The following FADS3 variants were observed in gnomAD, a reference collection of about 807,000 sequenced individuals.
The protein encoded by FADS3 is cytochrome b5-related protein.
Under a neutral mutation model 60.4 loss-of-function variants are expected in FADS3, and 30 were observed. The ratio of observed to expected loss-of-function variants is 0.50; its 90% CI spans 0.37 to 0.67. The LOEUF is 0.67. Among genes scored for constraint, FADS3 ranks in the 30% least tolerant of loss-of-function variants. The pLI, the probability that FADS3 is intolerant of heterozygous loss-of-function variation, is 0.00. For synonymous variants in FADS3, 234 were observed against 249.3 expected, an observed-to-expected ratio of 0.94 and a Z score of 0.58; for missense variants, 432 against 598.3, an observed-to-expected ratio of 0.72 and a Z score of 2.90.
intron 5 of FADS3, 111 bp from the exon 6 acceptor site, chr11:61,878,326 A>G: frequency 7.2e-7 from 1 of 1,381,304 alleles, no homozygotes; most frequent in Admixed American, 1.8e-5. Flanking sequence ...TCTAGATTCT[A>G]GCAAGCGGGC....
Position 61,878,847 on chromosome 11 carries a change from C to G in FADS3, c.523G>C (p.Ala175Pro). The change falls in exon 4 of 12, where the codon GCT becomes CCT. Residue 175 changes from alanine (A) to proline (P), a missense_variant and splice_region_variant. Coordinates refer to ENST00000278829, the MANE Select transcript of FADS3 (RefSeq NM_021727.5). ...LAAFILAISQ[A>P]QSWCLQHDLG... is the part of the protein sequence containing the mutation. Reference sequence around the variant, plus strand: ...TCATGCTGCAGACACCAGGACTGAGCCTGGGGAGAGAGGCAGGGTCAGAAG... The same window carrying G: ...TCATGCTGCAGACACCAGGACTGAGGCTGGGGAGAGAGGCAGGGTCAGAAG... 2 of 1,613,644 alleles carry G rather than the reference C, an allele frequency of 1.2e-6. No individual in the cohort carries two copies. The highest frequency in any genetic ancestry group is 1.7e-6 in the Non-Finnish European group (2 of 1,179,684).
At chr11:61,883,274 C>T (rs571338976) in intron 1 of FADS3, among the ~76,000 whole-genome samples, 1 of 152,226 alleles carries the variant, frequency 6.6e-6, no homozygotes, top group Non-Finnish European at 1.5e-5. Context: ...CTGCCTCCTC[C>T]GGAAACCTCA....
At chr11:61,880,784 C>G (rs1350243527) in intron 1 of FADS3, 2 of 151,542 alleles carry the variant, frequency 1.3e-5, no homozygotes, top group Non-Finnish European at 2.9e-5. Flanking sequence ...CAGTCTTGCT[C>G]TGTTGCCCAG....
chr11:61,874,217 G>A (rs1937786138), intron 11 of FADS3, among the ~76,000 whole-genome samples: 1 of 152,226 alleles, frequency 6.6e-6, no homozygotes, highest in South Asian at 2.1e-4. Context: ...CGTGGAACCT[G>A]CCCACCCGAT....
chr11:61,878,425 G>C, intron 5 of FADS3, 87 bp downstream of exon 5: 1 of 1,549,318 alleles, frequency 6.5e-7, no homozygotes, highest in South Asian at 1.2e-5. Flanking sequence ...TCAGGGGCTA[G>C]GTCAGGGGCA....
At chr11:61,888,355 G>A (rs1057411571) in intron 1 of FADS3, among the ~76,000 whole-genome samples, 5 of 152,228 alleles carry the variant, frequency 3.3e-5, no homozygotes, top group Admixed American at 2.6e-4. Flanking sequence ...GCCACCGCCC[G>A]GGATGGGATG....
chr11:61,879,297 C>G lies in FADS3; in HGVS notation c.522+15G>C. 1 of 1,550,556 alleles carries G rather than the reference C, an allele frequency of 6.4e-7. No homozygotes were observed. The highest frequency in any genetic ancestry group is 1.4e-5 in the African/African-American group (1 of 73,204). On this transcript the variant is annotated intron_variant, in intron 3 of 11. Coordinates refer to ENST00000278829, the MANE Select transcript of FADS3 (RefSeq NM_021727.5). ...TTGGGCAGTTAAGGTGGCTGCAACA[C>G]AGAACTGGGGTCACCTGAGAGATGG...
upstream of FADS3, chr11:61,891,878 G>T (rs1565351731): frequency 6.6e-6 from 1 of 152,192 alleles, no homozygotes; most frequent in Non-Finnish European, 1.5e-5. Flanking sequence ...GTCCCGCAGC[G>T]CCTCGCCACG....
Position 61,878,638 on chromosome 11 carries a change from TGGA to T in FADS3, c.625-7_625-5del. 7 of 1,614,054 alleles carry T rather than the reference TGGA, an allele frequency of 4.3e-6. No individual in the cohort carries two copies. The highest frequency in any genetic ancestry group is 4.2e-6 in the Non-Finnish European group (5 of 1,179,950). ...TCCACCAGTGGGCGGAGAAGCCCTG[TGGA>T]GGAGGAGGGGGCTCTCAGGGCAGGC... On this transcript the variant is annotated splice_region_variant and splice_polypyrimidine_tract_variant and intron_variant, in intron 4 of 11. Coordinates refer to ENST00000278829, the MANE Select transcript of FADS3 (RefSeq NM_021727.5).
At chr11:61,886,540 A>AC (rs1357651328) in intron 1 of FADS3, among the ~76,000 whole-genome samples, 2 of 151,572 alleles carry the variant, frequency 1.3e-5, no homozygotes, top group Middle Eastern at 3.4e-3. Flanking sequence ...CTCTGGAGCC[A>AC]CCCCCCAACC....
intron 11 of FADS3, among the ~76,000 whole-genome samples, chr11:61,874,633 C>G (rs1051199371): frequency 6.6e-6 from 1 of 152,218 alleles, no homozygotes; most frequent in African/African-American, 2.4e-5. Flanking sequence ...TGCCTGCATG[C>G]CTGCCTCGGC....
Position 61,877,702 on chromosome 11 carries a change from C to A in FADS3, c.809-115G>T. 2 of 941,084 alleles carry A rather than the reference C, an allele frequency of 2.1e-6. No individual in the cohort carries two copies. The highest frequency in any genetic ancestry group is 3.0e-5 in the South Asian group (2 of 66,266). 58.3% of individuals were successfully genotyped at this position (941,084 alleles called of 1,614,324 possible). ...ATGCCCCTGGGACGTTGGTGCTGGT[C>A]ACATCCAGCTGAATGACCCCATATC... On this transcript the variant is annotated intron_variant, in intron 6 of 11. Transcript: ENST00000278829. The surrounding 1 kb of genome is among the most constrained non-coding windows in gnomAD (Gnocchi z 4.7).
In FADS3 at chr11:61,888,003, A is replaced by G. The variant is rs1433106079; in HGVS notation, c.213+3166T>C. Among the ~76,000 whole-genome samples, 5 of 152,192 alleles carry G rather than the reference A, an allele frequency of 3.3e-5. 1 individual carries two copies. The highest frequency in any genetic ancestry group is 7.4e-5 in the Non-Finnish European group (5 of 68,024). ...GAGGGTTTCAATAAATCAAGTACTG[A>G]TTTCAAAACCTGGCACATAGTAGGC... On this transcript the variant is annotated intron_variant, in intron 1 of 11. Coordinates refer to ENST00000278829, the MANE Select transcript of FADS3 (RefSeq NM_021727.5).
Position 61,891,284 on chromosome 11 carries a change from T to C in FADS3, c.98A>G (p.Gln33Arg). 1 of 1,536,764 alleles carries C rather than the reference T, an allele frequency of 6.5e-7. No individual in the cohort carries two copies. The highest frequency in any genetic ancestry group is 1.2e-5 in the South Asian group (1 of 83,972). The change falls in exon 1 of 12, where the codon CAG (glutamine) becomes CGG (arginine). Residue 33 changes from glutamine (Q) to arginine (R), a missense_variant. Transcript: ENST00000278829. The stretch of plus-strand genomic sequence containing the variant: ...GATGACCAGCCACTTGTCGCCGGGC[T>C]GGTCGTGCGCGCGGATCTGCTCCCA... Reference protein sequence around the residue: ...FCWEQIRAHDQPGDKWLVIER... With the variant: ...FCWEQIRAHDRPGDKWLVIER...
intron 6 of FADS3, 103 bp downstream of exon 6, chr11:61,878,052 A>T: frequency 1.0e-6 from 1 of 997,818 alleles, no homozygotes; most frequent in Admixed American, 1.7e-5. Flanking sequence ...GACCTGACAG[A>T]CGTGCCCCGC....
chr11:61,873,628 C>T lies in FADS3; in HGVS notation c.*186G>A. The T allele has an allele frequency of 1.6e-6, 1 of 618,094 alleles. No individual in the cohort carries two copies. Among genetic ancestry groups the T allele is most frequent in the Admixed American group, 2.7e-5 (1 of 37,554 alleles). The allele number at this position is 618,094 out of a possible 1,614,324, so 38.3% of individuals were successfully genotyped here. ...TTCCCTCTACCCCTGTCCCATCAGGCCCAGAGCCAAGGCCATAGGGCTGCT... is the reference window on the plus strand; with the variant it reads ...TTCCCTCTACCCCTGTCCCATCAGGTCCAGAGCCAAGGCCATAGGGCTGCT... On this transcript the variant is annotated 3_prime_UTR_variant, in exon 12 of 12. Coordinates refer to ENST00000278829, the MANE Select transcript of FADS3 (RefSeq NM_021727.5).
At position 61,876,532 on chromosome 11, in the gene FADS3, TC is replaced by T; in HGVS notation, c.984-78del. 1 of 1,203,308 alleles carries T rather than the reference TC, an allele frequency of 8.3e-7. No individual in the cohort carries two copies. 74.5% of individuals were successfully genotyped at this position (1,203,308 alleles called of 1,614,324 possible). On this transcript the variant is annotated intron_variant, in intron 8 of 11. Transcript: ENST00000278829. This position sits in a 1 kb window ranked among gnomAD's most constrained non-coding sequence, Gnocchi z 5.7. ...CTGAGTGGAGGCTGGAGAGCAGCTG[TC>T]CCCAAGTGGCCTTGACTTCCTTATC...
At chr11:61,884,698 A>G (rs1226007669) in intron 1 of FADS3, among the ~76,000 whole-genome samples, 1 of 151,986 alleles carries the variant, frequency 6.6e-6, no homozygotes, top group Admixed American at 6.6e-5. Flanking sequence ...ACCCTCACAC[A>G]CCCTAAGTGC....
rs1937896279 is a variant in FADS3 at position 61,876,566 on chromosome 11, T to C, written c.984-111A>G. The C allele has an allele frequency of 3.5e-6, 3 of 845,204 alleles. No individual in the cohort carries two copies. The highest frequency in any genetic ancestry group is 2.4e-5 in the East Asian group (1 of 41,116). The allele number at this position is 845,204 out of a possible 1,614,324, so 52.4% of individuals were successfully genotyped here. The stretch of plus-strand genomic sequence containing the variant: ...GGCCTTGACTTCCTTATCTGTACAA[T>C]AGGATTGTGGCCATCGCCCCCTTGC... On this transcript the variant is annotated intron_variant, in intron 8 of 11. Transcript: ENST00000278829. The surrounding 1 kb of genome is among the most constrained non-coding windows in gnomAD (Gnocchi z 5.7).
Sources: allele counts gnomAD v4.1 joint callset (sites outside exome capture counted in the v4.1 genomes callset), GRCh38; gene constraint gnomAD v4.1.1; non-coding constraint Gnocchi (gnomAD v3.1); transcripts MANE v1.5; gene names NCBI Gene and HGNC (gene_info 2026-07-23, HGNC 2026-07-21).